PTPRQ: variants seen among roughly 807,000 people sequenced by gnomAD.
PTPRQ encodes protein tyrosine phosphatase receptor type Q.
PTPRQ carries 199 observed loss-of-function variants against 246.0 expected under a neutral mutation model. That is an observed-to-expected ratio of 0.81 (90% CI 0.72 to 0.91). The LOEUF (loss-of-function observed/expected upper bound fraction) is 0.91. Ranked by LOEUF, PTPRQ falls within the 40% of genes least tolerant of loss-of-function variation. PTPRQ has a pLI of 0.00. For synonymous variants in PTPRQ, 869 were observed against 853.2 expected (o/e 1.02, Z -0.32); for missense variants, 2,624 against 2,528.4 (o/e 1.04, Z -0.81).
At chr12:80,500,686 T>C (rs1001145631) in intron 14 of PTPRQ, among the ~76,000 whole-genome samples, 1 of 152,048 alleles carries the variant, frequency 6.6e-6, no homozygotes, top group African/African-American at 2.4e-5. Context: ...TTCTGTATCA[T>C]ATTAAATATA....
intron 39 of PTPRQ, among the ~76,000 whole-genome samples, chr12:80,664,701 G>T (rs1241565225): frequency 1.3e-5 from 2 of 151,816 alleles, no homozygotes; most frequent in Non-Finnish European, 2.9e-5. Context: ...CCTCAAATAA[G>T]ACTTGGATAC....
chr12:80,546,559 A>T lies in PTPRQ; in HGVS notation c.3877A>T (p.Ile1293Leu), dbSNP rs1310686561. Residue 1293 changes from isoleucine (I) to leucine (L), a missense_variant, in exon 24 of 45, where the codon ATA (isoleucine) becomes TTA (leucine). Ile to Leu is a conservative substitution (Grantham distance 5). Coordinates refer to ENST00000644991, the MANE Select transcript of PTPRQ (RefSeq NM_001145026.2). ...TAACTTTTTTTCTGTTTTTCAGAAT[A>T]TATCAGGATTTAAAACTGAAGCCAA... ...HETDTIYYKN[I>L]SGFKTEAKLV... The T allele has an allele frequency of 3.2e-6, 5 of 1,545,474 alleles. No homozygotes were observed. The highest frequency in any genetic ancestry group is 1.4e-5 in the African/African-American group (1 of 72,666).
chr12:80,458,677 A>G (rs1374283782), intron 4 of PTPRQ, among the ~76,000 whole-genome samples: 1 of 151,968 alleles, frequency 6.6e-6, no homozygotes, highest in African/African-American at 2.4e-5. Flanking sequence ...AATGGGAATA[A>G]TTTCCCCTAA....
chr12:80,632,521 A>C (rs1381861944), intron 34 of PTPRQ, among the ~76,000 whole-genome samples: 4 of 152,226 alleles, frequency 2.6e-5, no homozygotes, highest in Non-Finnish European at 4.4e-5. Flanking sequence ...ATTTGAACAG[A>C]AAACATTTAA....
chr12:80,508,703 A>G (rs1250631201), intron 16 of PTPRQ, among the ~76,000 whole-genome samples: 1 of 152,168 alleles, frequency 6.6e-6, no homozygotes, highest in African/African-American at 2.4e-5. Context: ...ATTTTAGAAT[A>G]CATATGCCAA....
At chr12:80,610,017 G>T (rs1176530806) in intron 27 of PTPRQ, among the ~76,000 whole-genome samples, 1 of 150,468 alleles carries the variant, frequency 6.6e-6, no homozygotes. Context: ...AATTTTACAT[G>T]CATTGAAAGA....
At chr12:80,628,663 T>C (rs1433863307) in intron 33 of PTPRQ, among the ~76,000 whole-genome samples, 1 of 152,172 alleles carries the variant, frequency 6.6e-6, no homozygotes, top group Non-Finnish European at 1.5e-5. Flanking sequence ...CTGTGCCCAG[T>C]ACATCTCTCA....
chr12:80,561,473 G>A (rs983224964), intron 25 of PTPRQ: 3 of 152,346 alleles, frequency 2.0e-5, no homozygotes, highest in Non-Finnish European at 2.9e-5. Flanking sequence ...CAAGGCAGAA[G>A]GCACAGTGCC....
At chr12:80,560,897 T>G (rs1896804083) in intron 25 of PTPRQ, 1 of 153,284 alleles carries the variant, frequency 6.5e-6, no homozygotes, top group Non-Finnish European at 1.5e-5. Flanking sequence ...TGGACATGGT[T>G]AATTGTCCTC....
intron 43 of PTPRQ, 60 bp from the exon 44 acceptor site, chr12:80,678,542 C>G: frequency 6.8e-7 from 1 of 1,475,038 alleles, no homozygotes; most frequent in Non-Finnish European, 9.0e-7. Flanking sequence ...AACAATATAA[C>G]TCCCTTTATG....
chr12:80,648,016 C>A (rs990031122), intron 35 of PTPRQ, among the ~76,000 whole-genome samples: 1 of 152,070 alleles, frequency 6.6e-6, no homozygotes, highest in African/African-American at 2.4e-5. Context: ...CTGTTTTCTT[C>A]ATTGAATACA....
intron 26 of PTPRQ, among the ~76,000 whole-genome samples, chr12:80,600,957 C>T (rs957384942): frequency 7.2e-5 from 11 of 151,758 alleles, no homozygotes; most frequent in African/African-American, 2.7e-4. Flanking sequence ...TTAGGACATA[C>T]CAGGCGAAAT....
chr12:80,614,858 T>C (rs967357569), intron 29 of PTPRQ, among the ~76,000 whole-genome samples: 4 of 150,968 alleles, frequency 2.6e-5, no homozygotes, highest in African/African-American at 9.7e-5. Context: ...TGGTAGGTAG[T>C]GAATGGTACA....
At chr12:80,569,187 C>A (rs1897069377) in intron 25 of PTPRQ, among the ~76,000 whole-genome samples, 1 of 148,326 alleles carries the variant, frequency 6.7e-6, no homozygotes. Context: ...GTTCAATTCC[C>A]ACCTATGAGT....
chr12:80,617,405 T>C (rs1304859570), intron 30 of PTPRQ, among the ~76,000 whole-genome samples: 1 of 151,508 alleles, frequency 6.6e-6, no homozygotes, highest in African/African-American at 2.4e-5. Flanking sequence ...TTGATTTAAA[T>C]TGATAAATTA....
intron 17 of PTPRQ, among the ~76,000 whole-genome samples, chr12:80,532,791 A>G (rs1484220150): frequency 6.6e-6 from 1 of 152,196 alleles, no homozygotes; most frequent in Non-Finnish European, 1.5e-5. Context: ...CCTGTCTCCA[A>G]TCACATACTC....
chr12:80,652,877 T>A, intron 38 of PTPRQ, 43 bp downstream of exon 38: 1 of 1,427,826 alleles, frequency 7.0e-7, no homozygotes, highest in East Asian at 2.8e-5. Flanking sequence ...GAAATATTTT[T>A]AAATGCCTAC....
At chr12:80,649,546 C>A in intron 36 of PTPRQ, 42 bp from the exon 37 acceptor site, 1 of 1,540,238 alleles carries the variant, frequency 6.5e-7, no homozygotes, top group South Asian at 1.2e-5. Flanking sequence ...CGAACAAATA[C>A]AATCTAACAT....
chr12:80,448,398 A>C (rs1037921230), intron 3 of PTPRQ, among the ~76,000 whole-genome samples: 1 of 152,030 alleles, frequency 6.6e-6, no homozygotes, highest in Non-Finnish European at 1.5e-5. Context: ...TTGTACTTTA[A>C]GTTTTAGGGT....
Sources: gnomAD v4.1 joint callset for allele counts (sites outside exome capture counted in the v4.1 genomes callset) on GRCh38, gnomAD v4.1.1 for gene constraint, MANE v1.5 for transcripts, NCBI Gene and HGNC (gene_info 2026-07-23, HGNC 2026-07-21) for gene names.